Variants in KCNH5 observed in about 807,000 individuals in gnomAD.
KCNH5 encodes potassium voltage-gated channel subfamily H member 5.
In KCNH5, 46 loss-of-function variants were observed where a neutral mutation model predicts 96.1. That is an observed-to-expected ratio of 0.48 (90% CI 0.38 to 0.61). The LOEUF is 0.61. KCNH5 is among the 20% of genes least tolerant of loss of function. KCNH5 has a pLI of 0.00. For synonymous variants in KCNH5, 439 were observed against 449.8 expected (o/e 0.98, Z 0.30); for missense variants, 907 against 1,225.8 (o/e 0.74, Z 3.88).
intron 9 of KCNH5, among the ~76,000 whole-genome samples, chr14:62,796,680 A>G (rs576748958): frequency 3.7e-4 from 56 of 152,308 alleles, no homozygotes; most frequent in Middle Eastern, 3.4e-3. Context: ...TATTTTGCCA[A>G]GGTTGAGGAT....
intron 10 of KCNH5, among the ~76,000 whole-genome samples, chr14:62,774,944 T>TA (rs937484745): frequency 1.1e-4 from 16 of 152,278 alleles, no homozygotes; most frequent in African/African-American, 3.8e-4. Flanking sequence ...ATGCACAAAA[T>TA]AAAATATGTA....
In KCNH5 at chr14:62,971,127, T is replaced by C. The variant is rs190968948; in HGVS notation, c.942+9745A>G. Reference sequence around the variant, plus strand: ...TATCTATGTAGAAAATATGAATAAATTGACCAAAAACCATGAAACTCATAA... The same window carrying C: ...TATCTATGTAGAAAATATGAATAAACTGACCAAAAACCATGAAACTCATAA... On this transcript the variant is annotated intron_variant, in intron 6 of 10. Coordinates refer to ENST00000322893, the MANE Select transcript of KCNH5 (RefSeq NM_139318.5). 1.8e-3 allele frequency among the ~76,000 whole-genome samples: 276 copies of C among 152,154 alleles called. 2 individuals are homozygous for C. The highest frequency in any genetic ancestry group is 6.5e-3 in the African/African-American group (270 of 41,564).
At chr14:63,031,672 C>T (rs371733289) in intron 1 of KCNH5, among the ~76,000 whole-genome samples, 4 of 152,094 alleles carry the variant, frequency 2.6e-5, no homozygotes, top group African/African-American at 9.7e-5. Flanking sequence ...ATCTAATGCA[C>T]AACATGAGGA....
intron 10 of KCNH5, among the ~76,000 whole-genome samples, chr14:62,709,698 G>T (rs1374384042): frequency 1.3e-5 from 2 of 152,106 alleles, no homozygotes; most frequent in African/African-American, 4.8e-5. Flanking sequence ...ATAATAATGG[G>T]AAGAACTTAT....
At chr14:62,766,325 G>T (rs1885860216) in intron 10 of KCNH5, among the ~76,000 whole-genome samples, 1 of 152,046 alleles carries the variant, frequency 6.6e-6, no homozygotes, top group Admixed American at 6.5e-5. Flanking sequence ...CCCACTGCTG[G>T]GTATATACCC....
At chr14:62,756,350 A>G (rs1885624097) in intron 10 of KCNH5, among the ~76,000 whole-genome samples, 1 of 152,144 alleles carries the variant, frequency 6.6e-6, no homozygotes, top group East Asian at 1.9e-4. Context: ...GGAAGAATCA[A>G]TATTGTTAAA....
intron 8 of KCNH5, among the ~76,000 whole-genome samples, chr14:62,825,751 TTCTG>T (rs1337932944): frequency 8.6e-5 from 13 of 151,918 alleles, no homozygotes; most frequent in Middle Eastern, 3.4e-3. Flanking sequence ...TCTTTTTTCT[TTCTG>T]TCTCTTTGTT....
At chr14:62,981,386 TC>T (rs772426563) in intron 5 of KCNH5, 122 bp from the exon 6 acceptor site, 24 of 882,206 alleles carry the variant, frequency 2.7e-5, no homozygotes, top group East Asian at 1.8e-4. Context: ...CTCCCTCTTC[TC>T]CTGAGTTGTC....
chr14:62,908,367 T>G (rs1889071040), intron 7 of KCNH5, among the ~76,000 whole-genome samples: 1 of 152,310 alleles, frequency 6.6e-6, no homozygotes, highest in East Asian at 1.9e-4. Flanking sequence ...ATCACCTTCC[T>G]GCTTCCTGTT....
intron 7 of KCNH5, among the ~76,000 whole-genome samples, chr14:62,910,622 A>G (rs1262992419): frequency 6.6e-6 from 1 of 152,194 alleles, no homozygotes; most frequent in Non-Finnish European, 1.5e-5. Context: ...ACAGGCTGTA[A>G]AATACCTGGG....
At chr14:62,851,907 TAC>T (rs1301318629) in intron 7 of KCNH5, among the ~76,000 whole-genome samples, 1 of 152,150 alleles carries the variant, frequency 6.6e-6, no homozygotes, top group Non-Finnish European at 1.5e-5. Flanking sequence ...ACATTAAATG[TAC>T]ACACAAAATA....
intron 1 of KCNH5, among the ~76,000 whole-genome samples, chr14:63,022,152 T>C (rs904045466): frequency 6.6e-6 from 1 of 152,224 alleles, no homozygotes; most frequent in African/African-American, 2.4e-5. Flanking sequence ...TTTCCCACTG[T>C]TTCCTGTCTT....
chr14:62,995,019 AGATT>A (rs1483862894), intron 4 of KCNH5, among the ~76,000 whole-genome samples: 3 of 152,110 alleles, frequency 2.0e-5, no homozygotes, highest in African/African-American at 7.2e-5. Context: ...TGGTAATCAT[AGATT>A]GATTACAAGG....
chr14:62,956,965 C>T (rs555584752), intron 6 of KCNH5, among the ~76,000 whole-genome samples: 1 of 152,304 alleles, frequency 6.6e-6, no homozygotes, highest in South Asian at 2.1e-4. Flanking sequence ...CTGCCTCTAT[C>T]CCAGCCTCTG....
intron 9 of KCNH5, among the ~76,000 whole-genome samples, chr14:62,790,117 C>A (rs1474367197): frequency 7.1e-6 from 1 of 140,262 alleles, no homozygotes; most frequent in Non-Finnish European, 1.6e-5. Flanking sequence ...TATCCTTTTG[C>A]ATGTGGAAAT....
At position 62,992,944 on chromosome 14, in the gene KCNH5, T is replaced by G. The variant is rs190021315; in HGVS notation, c.434-5757A>C. Among the ~76,000 whole-genome samples, 472 of 152,174 alleles carry G rather than the reference T, an allele frequency of 3.1e-3. 7 individuals are homozygous for G. The highest frequency in any genetic ancestry group is 0.011 in the African/African-American group (458 of 41,544). On this transcript the variant is annotated intron_variant, in intron 4 of 10. Transcript: ENST00000322893. ...ATTTTCTCCTAGTATTTTTATAACT[T>G]CAAGTCTTATGTTTAAGCTAATCCA...
intron 6 of KCNH5, among the ~76,000 whole-genome samples, chr14:62,955,983 C>T (rs531218573): frequency 2.0e-5 from 3 of 152,166 alleles, no homozygotes; most frequent in South Asian, 2.1e-4. Flanking sequence ...CAACCAACCA[C>T]GCTGCAGCCT....
chr14:63,005,632 A>C (rs1014808604), intron 3 of KCNH5, among the ~76,000 whole-genome samples: 1 of 152,232 alleles, frequency 6.6e-6, no homozygotes, highest in Non-Finnish European at 1.5e-5. Context: ...AACAGCAAAA[A>C]GATAAATGTA....
At chr14:63,003,909 C>A (rs1219387355) in intron 3 of KCNH5, among the ~76,000 whole-genome samples, 1 of 151,826 alleles carries the variant, frequency 6.6e-6, no homozygotes, top group Non-Finnish European at 1.5e-5. Flanking sequence ...TGTCAGCCAC[C>A]GCGCCCGGCC....
Sources: allele counts gnomAD v4.1 joint callset (sites outside exome capture counted in the v4.1 genomes callset), GRCh38; gene constraint gnomAD v4.1.1; transcripts MANE v1.5; gene names NCBI Gene and HGNC (gene_info 2026-07-23, HGNC 2026-07-21).